Variants in AP1AR observed in about 807,000 individuals in gnomAD.
AP1AR encodes AP-1 complex-associated regulatory protein.
AP1AR carries 29 observed loss-of-function variants against 46.3 expected under a neutral mutation model. The observed-to-expected ratio is 0.63, with a 90% CI of 0.47 to 0.85. The LOEUF is 0.85. Among genes scored for constraint, AP1AR ranks in the 40% least tolerant of loss-of-function variants. The probability of loss-of-function intolerance (pLI) is 0.00; values close to 1 mark genes in which losing one functional copy is unlikely to be tolerated. For synonymous variants in AP1AR, 122 were observed against 122.9 expected (o/e 0.99, Z 0.05); for missense variants, 357 against 356.3 (o/e 1.00, Z -0.02).
At chr4:112,253,167 GTTAA>G (rs765595102) in intron 1 of AP1AR, 37 bp from the exon 2 acceptor site, 1 of 1,491,450 alleles carries the variant, frequency 6.7e-7, no homozygotes, top group Non-Finnish European at 9.3e-7. Context: ...CAATCTTAGA[GTTAA>G]TTGTGTTTTT....
intron 4 of AP1AR, among the ~76,000 whole-genome samples, chr4:112,259,711 A>G (rs1333029552): frequency 6.6e-6 from 1 of 152,206 alleles, no homozygotes; most frequent in Admixed American, 6.5e-5. Context: ...AAAGAGAGGT[A>G]CTAATTGATA....
chr4:112,235,403 C>A (rs889678273), intron 1 of AP1AR, among the ~76,000 whole-genome samples: 1 of 152,186 alleles, frequency 6.6e-6, no homozygotes, highest in Non-Finnish European at 1.5e-5. Flanking sequence ...TTTGTATCCT[C>A]ATCAATATGT....
At position 112,246,547 on chromosome 4, in the gene AP1AR, A is replaced by G. The variant is rs554224909; in HGVS notation, c.84-6661A>G. ...ATAATAATTTTGTTTGGGCAACCAC[A>G]TTGGTGATTTCGTCATGTCCCAGGC... is the stretch of plus-strand genomic sequence containing the variant. On this transcript the variant is annotated intron_variant, in intron 1 of 9. Coordinates refer to ENST00000274000, the MANE Select transcript of AP1AR (RefSeq NM_018569.6). Among the ~76,000 whole-genome samples the G allele has an allele frequency of 3.3e-5, 5 of 152,324 alleles. No homozygotes were observed. The East Asian group carries it at 7.7e-4, about 23-fold the overall frequency.
At chr4:112,267,931 G>C (rs1726775542) in intron 9 of AP1AR, among the ~76,000 whole-genome samples, 1 of 151,824 alleles carries the variant, frequency 6.6e-6, no homozygotes, top group Non-Finnish European at 1.5e-5. Flanking sequence ...ACTGCCCTTT[G>C]GTGACTGTTA....
Position 112,265,745 on chromosome 4 carries a change from A to T in AP1AR, c.452A>T (p.Glu151Val), listed in dbSNP as rs1291942546. The stretch of plus-strand genomic sequence containing the variant: ...CACTTTTATTACAGTTCAGGACCAG[A>T]AGATGACTTCGAATCTTGTTTGAGA... ...NNGEYQSSGP[E>V]DDFESCLRNM... is the part of the protein sequence containing the mutation. Residue 151 changes from glutamate (E) to valine (V), a missense_variant, in exon 8 of 10, where the codon GAA (glutamate) becomes GTA (valine). Glu to Val is a moderately radical substitution (Grantham distance 121). Coordinates refer to ENST00000274000, the MANE Select transcript of AP1AR (RefSeq NM_018569.6). 2 of 1,609,530 alleles carry T rather than the reference A, an allele frequency of 1.2e-6. No homozygotes were observed.
At chr4:112,236,368 G>C (rs1725240295) in intron 1 of AP1AR, among the ~76,000 whole-genome samples, 1 of 148,952 alleles carries the variant, frequency 6.7e-6, no homozygotes, top group East Asian at 2.0e-4. Context: ...ACTTCCATCT[G>C]CTCCCTGATT....
At chr4:112,243,188 C>T (rs1320416731) in intron 1 of AP1AR, among the ~76,000 whole-genome samples, 1 of 152,188 alleles carries the variant, frequency 6.6e-6, no homozygotes, top group Non-Finnish European at 1.5e-5. Flanking sequence ...TGTGATACTG[C>T]TCTATTGCTA....
chr4:112,232,017 G>A lies in AP1AR; in HGVS notation c.-75G>A. The stretch of plus-strand genomic sequence containing the variant: ...ACCCCATTTCGGCTCGTGCCGTGCG[G>A]ATGCAGCTGCCGGGCCTGGGTTTGG... On this transcript the variant is annotated 5_prime_UTR_variant, in exon 1 of 10. Transcript: ENST00000274000. The A allele has an allele frequency of 5.5e-6, 7 of 1,273,036 alleles. No individual in the cohort carries two copies. The highest frequency in any genetic ancestry group is 7.1e-6 in the Non-Finnish European group (7 of 991,196). The allele number at this position is 1,273,036 out of a possible 1,614,324, so 78.9% of individuals were successfully genotyped here.
At chr4:112,243,357 C>T (rs1391915354) in intron 1 of AP1AR, among the ~76,000 whole-genome samples, 1 of 152,198 alleles carries the variant, frequency 6.6e-6, no homozygotes, top group South Asian at 2.1e-4. Context: ...TCTGACACTT[C>T]TCCCATCATC....
At chr4:112,232,241 C>A in intron 1 of AP1AR, 67 bp downstream of exon 1, 1 of 1,228,312 alleles carries the variant, frequency 8.1e-7, no homozygotes, top group Non-Finnish European at 1.0e-6. Flanking sequence ...CGGGGAATCC[C>A]TTTCACCGTC....
In AP1AR at chr4:112,236,646, C is replaced by T. The variant is rs1446500616; in HGVS notation, c.83+4472C>T. ...GAATTCCTGACCTGAAACGATCTGC[C>T]CACCTCGGCTTCCCAAAGTGCTAGA... On this transcript the variant is annotated intron_variant, in intron 1 of 9. Coordinates refer to ENST00000274000, the MANE Select transcript of AP1AR (RefSeq NM_018569.6). 2.6e-5 allele frequency among the ~76,000 whole-genome samples: 4 copies of T among 152,220 alleles called. No homozygotes were observed. The East Asian group carries it at 7.7e-4, about 29-fold the overall frequency.
chr4:112,266,577 G>A lies in AP1AR; in HGVS notation c.515-11G>A. 1 of 1,606,470 alleles carries A rather than the reference G, an allele frequency of 6.2e-7. No homozygotes were observed. The highest frequency in any genetic ancestry group is 8.5e-7 in the Non-Finnish European group (1 of 1,176,028). ...ATGAGAGTATTCAATTGTATTTCGT[G>A]TATATTCTAGGACTCTCATCAGATG... On this transcript the variant is annotated splice_polypyrimidine_tract_variant and intron_variant, in intron 8 of 9. Transcript: ENST00000274000.
At chr4:112,256,399 G>A (rs541956521) in intron 3 of AP1AR, among the ~76,000 whole-genome samples, 1 of 152,212 alleles carries the variant, frequency 6.6e-6, no homozygotes, top group Non-Finnish European at 1.5e-5. Flanking sequence ...TCTGACAAGT[G>A]TTAAAAGTAA....
chr4:112,235,939 C>T (rs1224994899), intron 1 of AP1AR, among the ~76,000 whole-genome samples: 1 of 152,076 alleles, frequency 6.6e-6, no homozygotes, highest in Non-Finnish European at 1.5e-5. Context: ...TCCTGTTTCT[C>T]TCCTAGCTAT....
At chr4:112,234,780 G>A (rs1357983729) in intron 1 of AP1AR, among the ~76,000 whole-genome samples, 3 of 151,498 alleles carry the variant, frequency 2.0e-5, no homozygotes, top group Non-Finnish European at 4.4e-5. Flanking sequence ...GATCCTATAT[G>A]TCTTTGTAGT....
chr4:112,259,699 TA>T (rs1726356753), intron 4 of AP1AR, among the ~76,000 whole-genome samples: 1 of 151,986 alleles, frequency 6.6e-6, no homozygotes, highest in Non-Finnish European at 1.5e-5. Flanking sequence ...AGGTTAAAGG[TA>T]AAAGAGAGGT....
At chr4:112,253,571 G>C (rs1227450345) in intron 2 of AP1AR, among the ~76,000 whole-genome samples, 2 of 152,178 alleles carry the variant, frequency 1.3e-5, no homozygotes, top group Admixed American at 6.5e-5. Flanking sequence ...GCCCCAGCAG[G>C]GGGGAGTCCA....
intron 2 of AP1AR, 53 bp from the exon 3 acceptor site, chr4:112,254,694 A>T (rs1318964159): frequency 8.6e-7 from 1 of 1,158,696 alleles, no homozygotes; most frequent in Admixed American, 2.4e-5. Context: ...TTCTTGTGAG[A>T]TGTATACCTA....
At chr4:112,245,184 T>C (rs956258845) in intron 1 of AP1AR, among the ~76,000 whole-genome samples, 2 of 152,188 alleles carry the variant, frequency 1.3e-5, no homozygotes, top group Admixed American at 1.3e-4. Context: ...GTGAAAATCT[T>C]TTTATGAATA....
Sources: allele counts gnomAD v4.1 joint callset (sites outside exome capture counted in the v4.1 genomes callset), GRCh38; gene constraint gnomAD v4.1.1; transcripts MANE v1.5; gene names NCBI Gene and HGNC (gene_info 2026-07-23, HGNC 2026-07-21).